Variants in CIB3 observed in about 807,000 individuals in gnomAD.
The protein encoded by CIB3 is calcium and integrin-binding family member 3.
Under a neutral mutation model 23.4 loss-of-function variants are expected in CIB3, and 22 were observed. The observed-to-expected ratio is 0.94, with a 90% CI of 0.67 to 1.34. CIB3 has a LOEUF of 1.34. Ranked by LOEUF, CIB3 falls within the 40% of genes most tolerant of loss-of-function variation. The pLI is 0.00. For missense variants in CIB3, 258 were observed against 247.3 expected (o/e 1.04, Z -0.29); for synonymous variants, 93 against 95.8 (o/e 0.97, Z 0.17).
At chr19:16,163,498 T>A (rs2091293672) in intron 5 of CIB3, among the ~76,000 whole-genome samples, 1 of 152,104 alleles carries the variant, frequency 6.6e-6, no homozygotes, top group Non-Finnish European at 1.5e-5. Context: ...GAAGTTGCAG[T>A]GAGCTGAGAT....
At chr19:16,162,816 C>T (rs1417102593) in intron 5 of CIB3, among the ~76,000 whole-genome samples, 2 of 151,222 alleles carry the variant, frequency 1.3e-5, no homozygotes, top group East Asian at 3.9e-4. Context: ...ATTAGCCAGG[C>T]ACAGTGGCAC....
intron 4 of CIB3, among the ~76,000 whole-genome samples, chr19:16,167,637 G>T (rs560853213): frequency 1.3e-5 from 2 of 152,184 alleles, no homozygotes; most frequent in East Asian, 3.9e-4. Flanking sequence ...TTCGAGACAA[G>T]CCTGGCCAAC....
rs186929589 is a variant in CIB3, at chr19:16,168,271, C to T, written c.212G>A (p.Arg71His). Reference sequence around the variant, plus strand: ...AGAGAATACCTGGGCAATCCTCTGGCGGAAGGGGTTGTCCTGGGGACAGAA... The same window carrying T: ...AGAGAATACCTGGGCAATCCTCTGGTGGAAGGGGTTGTCCTGGGGACAGAA... ...SMPELKDNPF[R>H]QRIAQVFSED... The change falls in exon 4 of 6, where the codon CGC becomes CAC. Residue 71 changes from arginine (R) to histidine (H), a missense_variant. Transcript: ENST00000269878. 5.9e-5 allele frequency: 96 copies of T among 1,613,822 alleles called. No homozygotes were observed. Among genetic ancestry groups the T allele is most frequent in the Admixed American group, 1.0e-4 (6 of 59,986 alleles).
intron 2 of CIB3, among the ~76,000 whole-genome samples, 176 bp downstream of exon 2, chr19:16,172,986 G>A (rs144069662): frequency 1.0e-3 from 77 of 73,684 alleles, no homozygotes; most frequent in Non-Finnish European, 1.5e-3. Context: ...AGGAAGGAAG[G>A]GAGGGAGGGA....
At chr19:16,162,922 G>A (rs1453025282) in intron 5 of CIB3, among the ~76,000 whole-genome samples, 7 of 122,224 alleles carry the variant, frequency 5.7e-5, no homozygotes, top group Admixed American at 2.0e-4. Flanking sequence ...ACAGAGTCTC[G>A]CTCAAGCTGG....
intron 3 of CIB3, 69 bp downstream of exon 3, chr19:16,169,561 C>G (rs769656741): frequency 1.5e-6 from 2 of 1,370,750 alleles, no homozygotes; most frequent in Admixed American, 3.9e-5. Context: ...GCAGCACTGA[C>G]CTCAGAGGAA....
intron 4 of CIB3, among the ~76,000 whole-genome samples, chr19:16,165,919 T>C (rs1385736792): frequency 6.6e-6 from 1 of 152,200 alleles, no homozygotes; most frequent in Non-Finnish European, 1.5e-5. Flanking sequence ...TTTTCATTCA[T>C]TCACTCACTT....
chr19:16,170,786 C>A (rs1255646570), intron 2 of CIB3, among the ~76,000 whole-genome samples: 2 of 151,092 alleles, frequency 1.3e-5, no homozygotes, highest in African/African-American at 4.9e-5. Flanking sequence ...CGTGTCACTG[C>A]ACTCCAGCCT....
At chr19:16,162,807 T>G (rs2091290019) in intron 5 of CIB3, among the ~76,000 whole-genome samples, 1 of 151,606 alleles carries the variant, frequency 6.6e-6, no homozygotes, top group Non-Finnish European at 1.5e-5. Flanking sequence ...ACAAACAAAA[T>G]TAGCCAGGCA....
chr19:16,170,444 A>G (rs1406646179), intron 2 of CIB3, among the ~76,000 whole-genome samples: 1 of 152,158 alleles, frequency 6.6e-6, no homozygotes, highest in African/African-American at 2.4e-5. Context: ...TAATCCACAC[A>G]TCTCTGGATA....
At chr19:16,166,414 A>T (rs1350626480) in intron 4 of CIB3, among the ~76,000 whole-genome samples, 3 of 151,778 alleles carry the variant, frequency 2.0e-5, no homozygotes, top group African/African-American at 7.3e-5. Context: ...AAGCACCATG[A>T]TATCTGTTTT....
chr19:16,167,438 A>AC, intron 4 of CIB3, among the ~76,000 whole-genome samples: 1 of 152,182 alleles, frequency 6.6e-6, no homozygotes, highest in Non-Finnish European at 1.5e-5. Context: ...AGGAACAAGA[A>AC]ATTAAGCAGC....
Position 16,164,928 on chromosome 19 carries a change from G to T in CIB3, c.347-15C>A, listed in dbSNP as rs757665958. The T allele has an allele frequency of 5.0e-6, 8 of 1,611,646 alleles. No homozygotes were observed. The highest frequency in any genetic ancestry group is 5.9e-6 in the Non-Finnish European group (7 of 1,177,970). On this transcript the variant is annotated splice_polypyrimidine_tract_variant and intron_variant, in intron 4 of 5. Coordinates refer to ENST00000269878, the MANE Select transcript of CIB3 (RefSeq NM_054113.4). ...GTTGTTAAAATCTGCAGAGCAGGAT[G>T]GATGGGGAGTGACAGCAGGTGGCAG...
intron 4 of CIB3, among the ~76,000 whole-genome samples, chr19:16,167,677 C>G (rs1181833756): frequency 6.6e-6 from 1 of 151,868 alleles, no homozygotes; most frequent in Non-Finnish European, 1.5e-5. Context: ...ACTAAAAATA[C>G]AAAAATTAGC....
At chr19:16,161,673 C>CTTTTTTTTTTTTTTTTTT (rs55969649) in intron 5 of CIB3, among the ~76,000 whole-genome samples, 187 bp from the exon 6 acceptor site, 1 of 100,056 alleles carries the variant, frequency 1.0e-5, no homozygotes, top group Non-Finnish European at 1.9e-5. Context: ...TTTTTTAATT[C>CTTTTTTTTTTTTTTTTTT]TTTTTTTTTT....
At chr19:16,169,584 C>G in intron 3 of CIB3, 46 bp downstream of exon 3, 1 of 1,526,184 alleles carries the variant, frequency 6.6e-7, no homozygotes, top group East Asian at 2.3e-5. Flanking sequence ...CAACGAGAGA[C>G]ATCTCTACTA....
At position 16,168,201 on chromosome 19, in the gene CIB3, C is replaced by T. The variant is rs1210258775; in HGVS notation, c.282G>A (p.Met94Ile). The T allele has an allele frequency of 1.2e-6, 2 of 1,613,082 alleles. No individual in the cohort carries two copies. The highest frequency in any genetic ancestry group is 2.2e-5 in the South Asian group (2 of 90,760). Reference sequence around the variant, plus strand: ...GAGCCATTTCACTCATCACGGAAAACATGTCCAAAAAGTTGTCCAGGGTCA... The same window carrying T: ...GAGCCATTTCACTCATCACGGAAAATATGTCCAAAAAGTTGTCCAGGGTCA... ...GHMTLDNFLD[M>I]FSVMSEMAPR... Residue 94 changes from methionine to isoleucine, a missense_variant, in exon 4 of 6, where the codon ATG becomes ATA. Physicochemically the swap from Met to Ile is conservative, Grantham distance 10. Coordinates refer to ENST00000269878, the MANE Select transcript of CIB3 (RefSeq NM_054113.4).
chr19:16,162,839 C>T (rs2091290151), intron 5 of CIB3, among the ~76,000 whole-genome samples: 1 of 151,546 alleles, frequency 6.6e-6, no homozygotes, highest in Admixed American at 6.6e-5. Context: ...ACCTGTAGTC[C>T]CAGCTACTTG....
Position 16,161,399 on chromosome 19 carries a change from A to C in CIB3, c.*66T>G. The C allele has an allele frequency of 2.6e-6, 4 of 1,534,222 alleles. No homozygotes were observed. Among genetic ancestry groups the C allele is most frequent in the Non-Finnish European group, 3.6e-6 (4 of 1,107,352 alleles). On this transcript the variant is annotated 3_prime_UTR_variant, in exon 6 of 6. Transcript: ENST00000269878. ...TCAGTGACTTGTGTTTATTCTCAGA[A>C]ACCAGAGTCCACAGCGGGTGAGGGG...
Sources: gnomAD v4.1 joint callset for allele counts (sites outside exome capture counted in the v4.1 genomes callset) on GRCh38, gnomAD v4.1.1 for gene constraint, MANE v1.5 for transcripts, NCBI Gene and HGNC (gene_info 2026-07-23, HGNC 2026-07-21) for gene names.